Variants in MTUS2 observed in about 807,000 individuals in gnomAD.
The protein encoded by MTUS2 is microtubule associated scaffold protein 2, also known as microtubule-associated tumor suppressor candidate 2.
MTUS2 carries 40 observed loss-of-function variants against 114.1 expected under a neutral mutation model. The ratio of observed to expected loss-of-function variants is 0.35; its 90% CI spans 0.27 to 0.46. MTUS2 has a LOEUF of 0.46. Among genes scored for constraint, MTUS2 ranks in the 20% least tolerant of loss-of-function variants. The probability of loss-of-function intolerance (pLI) is 1.00; values close to 1 mark genes in which losing one functional copy is unlikely to be tolerated. For missense variants in MTUS2, 1,679 were observed against 1,705.4 expected (o/e 0.98, Z 0.27); for synonymous variants, 688 against 672.0 (o/e 1.02, Z -0.37).
intron 8 of MTUS2, among the ~76,000 whole-genome samples, chr13:29,416,898 A>G (rs890120551): frequency 1.3e-5 from 2 of 152,158 alleles, no homozygotes; most frequent in African/African-American, 4.8e-5. Context: ...TAGAGTTGCT[A>G]TCTCTGGGTT....
intron 8 of MTUS2, among the ~76,000 whole-genome samples, chr13:29,389,257 AC>A (rs1872861240): frequency 7.2e-6 from 1 of 139,756 alleles, no homozygotes; most frequent in South Asian, 2.1e-4. Flanking sequence ...ATATGTATAC[AC>A]ATGTGTGTAT....
chr13:29,299,763 A>T (rs1236640279), intron 6 of MTUS2, among the ~76,000 whole-genome samples: 1 of 152,202 alleles, frequency 6.6e-6, no homozygotes. Flanking sequence ...ACGGCTGCTA[A>T]CAATTAGATA....
chr13:29,183,085 C>T (rs543158207), intron 5 of MTUS2, among the ~76,000 whole-genome samples: 54 of 152,300 alleles, frequency 3.5e-4, no homozygotes, highest in Admixed American at 9.8e-4. Context: ...ATGTCTTAAT[C>T]ATATCCATCT....
At position 29,437,006 on chromosome 13, in the gene MTUS2, T is replaced by C. The variant is rs540893957; in HGVS notation, c.3118-2977T>C. 5.3e-5 allele frequency among the ~76,000 whole-genome samples: 8 copies of C among 152,280 alleles called. No individual in the cohort carries two copies. In the East Asian group the frequency reaches 1.4e-3, roughly 26 times the overall value. On this transcript the variant is annotated intron_variant, in intron 8 of 15. Coordinates refer to ENST00000612955, the MANE Select transcript of MTUS2 (RefSeq NM_001033602.4). Reference sequence around the variant, plus strand: ...GTCAGCGCCATACCGAAGAGGCCTGTCCCTCTCATAGGGCCTTCCAGCCAC... The same window carrying C: ...GTCAGCGCCATACCGAAGAGGCCTGCCCCTCTCATAGGGCCTTCCAGCCAC...
chr13:28,916,780 T>C (rs1032540758), intron 2 of MTUS2, among the ~76,000 whole-genome samples: 2 of 151,918 alleles, frequency 1.3e-5, no homozygotes, highest in Non-Finnish European at 2.9e-5. Flanking sequence ...GTCTGATTGC[T>C]CTAGCTGGGA....
intron 4 of MTUS2, among the ~76,000 whole-genome samples, chr13:29,097,041 G>A (rs1890207393): frequency 6.6e-6 from 1 of 152,160 alleles, no homozygotes; most frequent in South Asian, 2.1e-4. Context: ...TGGGGGTGGG[G>A]TTGGAGTGAG....
chr13:28,965,315 G>T (rs1032807737), intron 2 of MTUS2, among the ~76,000 whole-genome samples: 3 of 152,146 alleles, frequency 2.0e-5, no homozygotes, highest in Non-Finnish European at 4.4e-5. Context: ...AAGTTCCATC[G>T]TTTGTAATCA....
chr13:29,220,858 T>C (rs1369011629), intron 5 of MTUS2, among the ~76,000 whole-genome samples: 1 of 152,206 alleles, frequency 6.6e-6, no homozygotes, highest in Non-Finnish European at 1.5e-5. Context: ...ACCTTCAACT[T>C]GTAAACAATG....
chr13:29,263,827 G>A (rs1897566222), intron 5 of MTUS2, among the ~76,000 whole-genome samples: 1 of 152,224 alleles, frequency 6.6e-6, no homozygotes, highest in South Asian at 2.1e-4. Flanking sequence ...TCCAACACTG[G>A]GGATTACATT....
At chr13:29,167,117 G>A (rs1450566500) in intron 5 of MTUS2, among the ~76,000 whole-genome samples, 4 of 152,234 alleles carry the variant, frequency 2.6e-5, no homozygotes, top group Non-Finnish European at 5.9e-5. Context: ...GCTCACGCCT[G>A]TAATCCCAGC....
intron 4 of MTUS2, among the ~76,000 whole-genome samples, chr13:29,057,185 T>C (rs954084091): frequency 6.6e-6 from 1 of 152,160 alleles, no homozygotes; most frequent in African/African-American, 2.4e-5. Context: ...TTTTGGTTTT[T>C]AAAAATTTGC....
chr13:29,411,490 A>AC, intron 8 of MTUS2, among the ~76,000 whole-genome samples: 1 of 152,192 alleles, frequency 6.6e-6, no homozygotes, highest in Admixed American at 6.5e-5. Flanking sequence ...GGTATGTTTT[A>AC]ATGTCTGATA....
Position 29,308,110 on chromosome 13 carries a change from C to G in MTUS2, c.2807-16503C>G, listed in dbSNP as rs571838456. Among the ~76,000 whole-genome samples the G allele has an allele frequency of 2.0e-5, 3 of 152,262 alleles. No homozygotes were observed. The East Asian group carries it at 5.8e-4, about 29-fold the overall frequency. On this transcript the variant is annotated intron_variant, in intron 6 of 15. Transcript: ENST00000612955. ...CCTGAATAGCCAAGACAATTCTAACCAAAAAGAACAAAGCTGTAGGCATCA... is the reference window on the plus strand; with the variant it reads ...CCTGAATAGCCAAGACAATTCTAACGAAAAAGAACAAAGCTGTAGGCATCA...
At chr13:29,384,556 C>T (rs964293784) in intron 8 of MTUS2, among the ~76,000 whole-genome samples, 1 of 152,194 alleles carries the variant, frequency 6.6e-6, no homozygotes, top group Non-Finnish European at 1.5e-5. Context: ...CTGGGTCTCT[C>T]AAGAGCTAAA....
chr13:29,156,744 A>G (rs1192548128), intron 5 of MTUS2, among the ~76,000 whole-genome samples: 2 of 152,178 alleles, frequency 1.3e-5, no homozygotes, highest in Admixed American at 6.5e-5. Context: ...AAAGATACCT[A>G]TATTGATATC....
In MTUS2 at chr13:29,068,218, G is replaced by A. The variant is rs555604413; in HGVS notation, c.2447-32555G>A. On this transcript the variant is annotated intron_variant, in intron 4 of 15. Transcript: ENST00000612955. ...GTTCTGATATTTAGTATATATCACA[G>A]TGTTACCCATTTCTACATATTATTG... Among the ~76,000 whole-genome samples, 25 of 152,300 alleles carry A rather than the reference G, an allele frequency of 1.6e-4. No homozygotes were observed. In the South Asian group the frequency reaches 5.0e-3, roughly 30 times the overall value.
intron 8 of MTUS2, among the ~76,000 whole-genome samples, chr13:29,371,449 C>G (rs906470534): frequency 1.3e-5 from 2 of 152,118 alleles, no homozygotes; most frequent in African/African-American, 4.8e-5. Flanking sequence ...AACTCCTGAC[C>G]TCAGGCGATC....
At chr13:28,827,653 C>T (rs2153665) in intron 1 of MTUS2, among the ~76,000 whole-genome samples, 37,871 of 151,878 alleles carry the variant, frequency 0.25, 5,373 homozygotes, top group East Asian at 0.39. Flanking sequence ...AAGTATTGGC[C>T]GGTCTGAGAA....
intron 2 of MTUS2, among the ~76,000 whole-genome samples, chr13:29,001,862 A>C (rs61946417): frequency 1.4e-4 from 22 of 152,190 alleles, no homozygotes; most frequent in Non-Finnish European, 2.9e-4. Flanking sequence ...GTGATGATCA[A>C]AACAGAAGCT....
Sources: gnomAD v4.1 joint callset for allele counts (sites outside exome capture counted in the v4.1 genomes callset) on GRCh38, gnomAD v4.1.1 for gene constraint, MANE v1.5 for transcripts, NCBI Gene and HGNC (gene_info 2026-07-23, HGNC 2026-07-21) for gene names.